EPHA6: variants seen among roughly 807,000 people sequenced by gnomAD.
EPHA6 encodes EPH receptor A6, also known as ephrin type-A receptor 6.
A neutral mutation model predicts 112.0 loss-of-function variants in EPHA6; 50 were observed. The ratio of observed to expected loss-of-function variants is 0.45; its 90% CI spans 0.36 to 0.56. The LOEUF (loss-of-function observed/expected upper bound fraction) is 0.56, where lower values mean the gene tolerates loss of function less well. EPHA6 is among the 20% of genes least tolerant of loss of function. EPHA6 has a pLI of 0.00. For missense variants in EPHA6, 1,280 were observed against 1,417.4 expected, an observed-to-expected ratio of 0.90 and a Z score of 1.56; for synonymous variants, 529 against 490.7, an observed-to-expected ratio of 1.08 and a Z score of -1.03.
In EPHA6 at chr3:97,545,317, T is replaced by C. The variant is rs139991092; in HGVS notation, c.2386+12774T>C. 5.5e-3 allele frequency among the ~76,000 whole-genome samples: 842 copies of C among 152,320 alleles called. 21 individuals carry two copies. Among genetic ancestry groups the C allele is most frequent in the African/African-American group, 0.019 (790 of 41,564 alleles). On this transcript the variant is annotated intron_variant, in intron 11 of 17. Coordinates refer to ENST00000389672, the MANE Select transcript of EPHA6 (RefSeq NM_001080448.3). ...ATCTTTATTTCTGCCTTCATTTCAT[T>C]ATTTACCCAGTAGGTCATTCAGGAG...
chr3:96,992,650 C>T (rs2043259031), intron 3 of EPHA6, among the ~76,000 whole-genome samples: 1 of 151,832 alleles, frequency 6.6e-6, no homozygotes, highest in South Asian at 2.1e-4. Flanking sequence ...TAAGGGGTTA[C>T]TCACCTTAGC....
At chr3:96,919,799 T>G (rs2039670392) in intron 2 of EPHA6, among the ~76,000 whole-genome samples, 1 of 151,882 alleles carries the variant, frequency 6.6e-6, no homozygotes, top group Non-Finnish European at 1.5e-5. Flanking sequence ...TTCTTTATTT[T>G]TCATTCTGTT....
At chr3:97,636,474 G>T (rs769506411) in intron 13 of EPHA6, among the ~76,000 whole-genome samples, 4 of 151,924 alleles carry the variant, frequency 2.6e-5, no homozygotes, top group Non-Finnish European at 5.9e-5. Flanking sequence ...CAGAAGTGCC[G>T]GCTTAAATGG....
At chr3:97,661,742 G>A (rs904870600) in intron 14 of EPHA6, among the ~76,000 whole-genome samples, 1 of 152,150 alleles carries the variant, frequency 6.6e-6, no homozygotes, top group Non-Finnish European at 1.5e-5. Context: ...TTTCATTTCA[G>A]TGGTCCTCCT....
chr3:97,376,083 G>A (rs1347554935), intron 5 of EPHA6, among the ~76,000 whole-genome samples: 1 of 152,066 alleles, frequency 6.6e-6, no homozygotes, highest in Non-Finnish European at 1.5e-5. Flanking sequence ...ACACCACTAT[G>A]CAATCTATGC....
At chr3:97,492,606 G>A (rs1010791716) in intron 10 of EPHA6, among the ~76,000 whole-genome samples, 3 of 108,758 alleles carry the variant, frequency 2.8e-5, no homozygotes, top group Non-Finnish European at 3.6e-5. Flanking sequence ...CGTGGATAAT[G>A]TAGCATCTCA....
At chr3:97,618,399 C>G (rs2093784203) in intron 13 of EPHA6, among the ~76,000 whole-genome samples, 1 of 152,028 alleles carries the variant, frequency 6.6e-6, no homozygotes, top group African/African-American at 2.4e-5. Context: ...AATCCCAAAG[C>G]TAGCAGAGGA....
At chr3:97,120,366 T>C (rs941845654) in intron 3 of EPHA6, among the ~76,000 whole-genome samples, 2 of 151,104 alleles carry the variant, frequency 1.3e-5, no homozygotes, top group Admixed American at 6.6e-5. Flanking sequence ...TGATGTGCAG[T>C]TTTTTTTTAA....
intron 6 of EPHA6, among the ~76,000 whole-genome samples, chr3:97,431,477 G>A (rs1450927868): frequency 6.6e-6 from 1 of 152,060 alleles, no homozygotes; most frequent in African/African-American, 2.4e-5. Flanking sequence ...CCAAACCTGT[G>A]TTTGATCCTT....
At chr3:96,948,409 G>A (rs2107712015) in intron 2 of EPHA6, among the ~76,000 whole-genome samples, 1 of 152,260 alleles carries the variant, frequency 6.6e-6, no homozygotes, top group African/African-American at 2.4e-5. Flanking sequence ...TTAGGAATCA[G>A]TGCATTGTTT....
chr3:96,839,382 T>C (rs1248954924), intron 1 of EPHA6, among the ~76,000 whole-genome samples: 1 of 152,056 alleles, frequency 6.6e-6, no homozygotes, highest in Non-Finnish European at 1.5e-5. Context: ...TAATGCCTGA[T>C]GATCTGAGGT....
At chr3:97,151,108 A>G (rs1435526215) in intron 3 of EPHA6, among the ~76,000 whole-genome samples, 1 of 152,138 alleles carries the variant, frequency 6.6e-6, no homozygotes, top group African/African-American at 2.4e-5. Flanking sequence ...ATGCCCCAGC[A>G]AACTTGATTG....
At chr3:97,474,704 A>T (rs1045795979) in intron 7 of EPHA6, among the ~76,000 whole-genome samples, 22 of 152,012 alleles carry the variant, frequency 1.4e-4, no homozygotes, top group Non-Finnish European at 2.6e-4. Flanking sequence ...CTTTTAAGAG[A>T]CAGTTTTATG....
At chr3:96,912,913 T>C (rs1375486142) in intron 2 of EPHA6, among the ~76,000 whole-genome samples, 1 of 151,962 alleles carries the variant, frequency 6.6e-6, no homozygotes, top group Non-Finnish European at 1.5e-5. Context: ...TATTCTCAAG[T>C]CCATAAGCAA....
chr3:97,612,355 T>C (rs2093727421), intron 13 of EPHA6: 1 of 400,562 alleles, frequency 2.5e-6, no homozygotes, highest in South Asian at 1.9e-5. Flanking sequence ...CTTTTTATTT[T>C]CTTCTTTTTA....
intron 2 of EPHA6, among the ~76,000 whole-genome samples, chr3:96,948,899 A>T (rs989400633): frequency 6.6e-6 from 1 of 152,162 alleles, no homozygotes; most frequent in African/African-American, 2.4e-5. Context: ...CTTTACTCAC[A>T]CTGCAATGTG....
chr3:97,025,877 C>CA (rs1485767401), intron 3 of EPHA6, among the ~76,000 whole-genome samples: 1 of 152,042 alleles, frequency 6.6e-6, no homozygotes, highest in Non-Finnish European at 1.5e-5. Flanking sequence ...TCTGAGCCAC[C>CA]ACACCTGGCC....
intron 5 of EPHA6, among the ~76,000 whole-genome samples, chr3:97,364,531 T>A (rs1275854725): frequency 6.6e-6 from 1 of 151,890 alleles, no homozygotes; most frequent in Non-Finnish European, 1.5e-5. Flanking sequence ...AGGAAAAAAA[T>A]CTAATCTTCA....
At chr3:96,886,513 G>C (rs1165863903) in intron 2 of EPHA6, among the ~76,000 whole-genome samples, 2 of 152,106 alleles carry the variant, frequency 1.3e-5, no homozygotes, top group East Asian at 3.9e-4. Flanking sequence ...GCTTCTGGTG[G>C]CTATTTGTAT....
Sources: gnomAD v4.1 joint callset for allele counts (sites outside exome capture counted in the v4.1 genomes callset) on GRCh38, gnomAD v4.1.1 for gene constraint, MANE v1.5 for transcripts, NCBI Gene and HGNC (gene_info 2026-07-23, HGNC 2026-07-21) for gene names.